Variants in DYNLRB1 observed in about 807,000 individuals in gnomAD.
The protein encoded by DYNLRB1 is dynein light chain roadblock-type 1.
DYNLRB1 carries 6 observed loss-of-function variants against 13.5 expected under a neutral mutation model. The ratio of observed to expected loss-of-function variants is 0.44; its 90% CI spans 0.24 to 0.88. DYNLRB1 has a LOEUF of 0.88. Among genes scored for constraint, DYNLRB1 ranks in the 40% least tolerant of loss-of-function variants. The pLI, the probability that DYNLRB1 is intolerant of heterozygous loss-of-function variation, is 0.21. For missense variants in DYNLRB1, 93 were observed against 127.2 expected, an observed-to-expected ratio of 0.73 and a Z score of 1.29; for synonymous variants, 43 against 45.0, an observed-to-expected ratio of 0.96 and a Z score of 0.18.
At chr20:34,526,693 C>T (rs1000531273) in intron 2 of DYNLRB1, 2 of 276,986 alleles carry the variant, frequency 7.2e-6, no homozygotes, top group South Asian at 6.2e-5. Flanking sequence ...TACTCAGCCT[C>T]GTCCAGCACA....
intron 1 of DYNLRB1, among the ~76,000 whole-genome samples, chr20:34,517,627 CTTTT>C (rs60155819): frequency 9.8e-4 from 118 of 120,408 alleles, no homozygotes; most frequent in African/African-American, 3.1e-3. Flanking sequence ...TTCATTATTT[CTTTT>C]TTTTTTTTTT....
At chr20:34,533,481 T>A (rs1980868645) in intron 2 of DYNLRB1, 1 of 985,300 alleles carries the variant, frequency 1.0e-6, no homozygotes, top group Non-Finnish European at 1.2e-6. Flanking sequence ...ATCATGATGG[T>A]TATGTCCCAG....
intron 2 of DYNLRB1, chr20:34,533,390 A>G (rs2146644799): frequency 2.5e-6 from 2 of 802,330 alleles, no homozygotes; most frequent in South Asian, 5.7e-5. Flanking sequence ...CTGTTGTACA[A>G]ACATAGAAAC....
chr20:34,537,808 T>C (rs1981270520), intron 3 of DYNLRB1, among the ~76,000 whole-genome samples: 1 of 152,108 alleles, frequency 6.6e-6, no homozygotes, highest in Non-Finnish European at 1.5e-5. Context: ...GTGGGCAGCC[T>C]GGAGCAGCCT....
At chr20:34,534,894 A>C in intron 3 of DYNLRB1, 99 bp downstream of exon 3, 1 of 1,589,196 alleles carries the variant, frequency 6.3e-7, no homozygotes, top group East Asian at 2.3e-5. Context: ...CAGAGGATCC[A>C]AGCAGGGCCC....
chr20:34,522,792 G>C (rs1193147732), intron 1 of DYNLRB1, among the ~76,000 whole-genome samples: 2 of 152,176 alleles, frequency 1.3e-5, no homozygotes, highest in African/African-American at 4.8e-5. Flanking sequence ...CTTTTAAACA[G>C]CCAGATCTTA....
chr20:34,516,960 A>G, intron 1 of DYNLRB1: 11 of 1,338,748 alleles, frequency 8.2e-6, no homozygotes, highest in Non-Finnish European at 1.1e-5. Context: ...CCCAGGAAAT[A>G]GTGGAGATGG....
At chr20:34,540,414 T>C (rs1417825202) in intron 3 of DYNLRB1, among the ~76,000 whole-genome samples, 167 bp from the exon 4 acceptor site, 1 of 152,210 alleles carries the variant, frequency 6.6e-6, no homozygotes, top group Non-Finnish European at 1.5e-5. Context: ...ATCTTAAAGG[T>C]TTATCTTCCG....
rs142126147 is a variant in DYNLRB1, at chr20:34,534,636, A to G, written c.88A>G (p.Ile30Val). ...GTCTGCTCTCCCCTCAGGCATTCCCATCAAGAGCACCATGGACAACCCCAC... is the reference window on the plus strand; with the variant it reads ...GTCTGCTCTCCCCTCAGGCATTCCCGTCAAGAGCACCATGGACAACCCCAC... ...IIVVNTEGIP[I>V]KSTMDNPTTT... The change falls in exon 3 of 4, where the codon ATC (isoleucine) becomes GTC (valine). Residue 30 changes from isoleucine to valine, a missense_variant. Physicochemically the swap from Ile to Val is conservative, Grantham distance 29. Transcript: ENST00000357156. 2.9e-5 allele frequency: 46 copies of G among 1,565,172 alleles called. No individual in the cohort carries two copies. The African/African-American group carries it at 4.3e-4, about 15-fold the overall frequency.
intron 1 of DYNLRB1, chr20:34,516,971 A>AT (rs1979275692): frequency 7.6e-7 from 1 of 1,314,086 alleles, no homozygotes; most frequent in Non-Finnish European, 9.7e-7. Flanking sequence ...GTGGAGATGG[A>AT]TTTGAACCCT....
intron 1 of DYNLRB1, among the ~76,000 whole-genome samples, chr20:34,522,033 CA>C (rs940672504): frequency 1.3e-3 from 191 of 142,928 alleles, no homozygotes; most frequent in Admixed American, 1.3e-3. Flanking sequence ...GACCCTATCT[CA>C]AAAAAAAAAA....
At chr20:34,532,881 G>T (rs1224518839) in intron 2 of DYNLRB1, among the ~76,000 whole-genome samples, 1 of 152,156 alleles carries the variant, frequency 6.6e-6, no homozygotes, top group Non-Finnish European at 1.5e-5. Context: ...TCAGCCAGTC[G>T]GCCTGATAAC....
chr20:34,525,423 C>T (rs1052503279), intron 1 of DYNLRB1, among the ~76,000 whole-genome samples: 4 of 152,148 alleles, frequency 2.6e-5, no homozygotes, highest in African/African-American at 9.7e-5. Context: ...TAATGCATGT[C>T]CCAGAGAGGC....
At chr20:34,532,589 AC>A (rs1382656792) in intron 2 of DYNLRB1, among the ~76,000 whole-genome samples, 1 of 152,108 alleles carries the variant, frequency 6.6e-6, no homozygotes, top group African/African-American at 2.4e-5. Flanking sequence ...ATTATAATGG[AC>A]GCATTCATTA....
At position 34,534,652 on chromosome 20, in the gene DYNLRB1, A is replaced by T; in HGVS notation, c.104A>T (p.Asp35Val). The part of the protein sequence containing the change: ...TEGIPIKSTM[D>V]NPTTTQYASL... ...GGCATTCCCATCAAGAGCACCATGG[A>T]CAACCCCACCACCACCCAGTATGCC... The change falls in exon 3 of 4, where the codon GAC becomes GTC. Residue 35 changes from aspartate (D) to valine (V), a missense_variant. By Grantham distance (152) the Asp-to-Val change is radical. Coordinates refer to ENST00000357156, the MANE Select transcript of DYNLRB1 (RefSeq NM_014183.4). 1 of 1,576,386 alleles carries T rather than the reference A, an allele frequency of 6.3e-7. No homozygotes were observed. The highest frequency in any genetic ancestry group is 8.6e-7 in the Non-Finnish European group (1 of 1,160,686).
chr20:34,517,445 A>G (rs961451584), intron 1 of DYNLRB1, among the ~76,000 whole-genome samples: 2 of 152,302 alleles, frequency 1.3e-5, no homozygotes, highest in South Asian at 4.1e-4. Context: ...TAATGCTTCA[A>G]ATATGTATAA....
At chr20:34,516,807 A>C in intron 1 of DYNLRB1, 1 of 1,550,034 alleles carries the variant, frequency 6.5e-7, no homozygotes, top group Non-Finnish European at 8.7e-7. Context: ...CCGGGAGCTC[A>C]GTTTGTGGCA....
At chr20:34,537,824 G>A (rs532810035) in intron 3 of DYNLRB1, among the ~76,000 whole-genome samples, 102 of 152,158 alleles carry the variant, frequency 6.7e-4, no homozygotes, top group Non-Finnish European at 1.3e-3. Flanking sequence ...AGCCTGGCCC[G>A]GGAGGGAGAT....
intron 2 of DYNLRB1, among the ~76,000 whole-genome samples, chr20:34,527,434 G>T (rs1294730271): frequency 6.6e-6 from 1 of 152,238 alleles, no homozygotes; most frequent in Non-Finnish European, 1.5e-5. Flanking sequence ...ATTTAGTACA[G>T]TATCGTCACC....
Sources: gnomAD v4.1 joint callset for allele counts (sites outside exome capture counted in the v4.1 genomes callset) on GRCh38, gnomAD v4.1.1 for gene constraint, MANE v1.5 for transcripts, NCBI Gene and HGNC (gene_info 2026-07-23, HGNC 2026-07-21) for gene names.